The following TRAF5 variants were observed in gnomAD, a reference collection of about 807,000 sequenced individuals.
The protein encoded by TRAF5 is TNF receptor-associated factor 5.
In TRAF5, 48 loss-of-function variants were observed where a neutral mutation model predicts 64.5. The ratio of observed to expected loss-of-function variants is 0.74; its 90% CI spans 0.59 to 0.95. The LOEUF (loss-of-function observed/expected upper bound fraction) is 0.95. TRAF5 is among the 40% of genes least tolerant of loss of function. TRAF5 has a pLI of 0.00. For synonymous variants in TRAF5, 206 were observed against 240.5 expected (o/e 0.86, Z 1.33); for missense variants, 545 against 662.8 (o/e 0.82, Z 1.95).
rs61851031 is a variant in TRAF5, at chr1:211,334,698, T to C, written c.-2+7809T>C. Among the ~76,000 whole-genome samples the C allele has an allele frequency of 9.5e-3, 1,451 of 152,168 alleles. 11 individuals are homozygous for C. The highest frequency in any genetic ancestry group is 0.016 in the Non-Finnish European group (1,060 of 67,976). On this transcript the variant is annotated intron_variant, in intron 1 of 10. Coordinates refer to ENST00000261464, the MANE Select transcript of TRAF5 (RefSeq NM_001033910.3). Reference sequence around the variant, plus strand: ...AACAAAACAAAACACATTGTTTACCTAGATGGTTTAAGCACAGTGAGCCGC... The same window carrying C: ...AACAAAACAAAACACATTGTTTACCCAGATGGTTTAAGCACAGTGAGCCGC...
chr1:211,360,576 G>T, intron 5 of TRAF5, 126 bp from the exon 6 acceptor site: 1 of 657,468 alleles, frequency 1.5e-6, no homozygotes, highest in Non-Finnish European at 2.6e-6. Flanking sequence ...TCCTTTTTTG[G>T]AATTAGGCAA....
intron 1 of TRAF5, among the ~76,000 whole-genome samples, chr1:211,333,449 C>A (rs2102710838): frequency 6.6e-6 from 1 of 152,110 alleles, no homozygotes; most frequent in Admixed American, 6.5e-5. Flanking sequence ...CCCCACTCCC[C>A]ACTAGGCCTC....
chr1:211,372,018 G>T, intron 10 of TRAF5, 110 bp from the exon 11 acceptor site: 2 of 914,982 alleles, frequency 2.2e-6, no homozygotes, highest in Non-Finnish European at 3.3e-6. Flanking sequence ...TCTTTAGGAT[G>T]GCAGGATTTT....
chr1:211,350,064 T>G (rs1702735135), intron 1 of TRAF5, among the ~76,000 whole-genome samples: 1 of 152,060 alleles, frequency 6.6e-6, no homozygotes, highest in Admixed American at 6.6e-5. Flanking sequence ...ATCTTCAGAA[T>G]TAAAACTTTT....
chr1:211,334,351 AAC>A (rs1702236015), intron 1 of TRAF5, among the ~76,000 whole-genome samples: 1 of 152,174 alleles, frequency 6.6e-6, no homozygotes, highest in African/African-American at 2.4e-5. Context: ...CCAGAAGAAA[AAC>A]AGGTGTTCCA....
chr1:211,356,768 C>T, intron 4 of TRAF5: 1 of 236,630 alleles, frequency 4.2e-6, no homozygotes, highest in South Asian at 8.3e-5. Context: ...CTGGACAAAA[C>T]AAACACTCAA....
At chr1:211,330,769 A>G (rs1000344900) in intron 1 of TRAF5, among the ~76,000 whole-genome samples, 1 of 152,112 alleles carries the variant, frequency 6.6e-6, no homozygotes, top group African/African-American at 2.4e-5. Context: ...CACCGTCCCC[A>G]CCAGCATTCC....
chr1:211,359,753 G>T, intron 4 of TRAF5, 159 bp from the exon 5 acceptor site: 1 of 706,534 alleles, frequency 1.4e-6, no homozygotes, highest in East Asian at 2.7e-5. Context: ...CAGAGACAGT[G>T]GGCAGCATCC....
At chr1:211,340,240 C>T (rs1365992217) in intron 1 of TRAF5, among the ~76,000 whole-genome samples, 3 of 152,148 alleles carry the variant, frequency 2.0e-5, no homozygotes, top group African/African-American at 7.2e-5. Context: ...CGAGGGGCCC[C>T]TGGAGCCTCA....
Position 211,343,591 on chromosome 1 carries a change from G to C in TRAF5, c.-1-9648G>C, listed in dbSNP as rs558559438. 9.2e-5 allele frequency among the ~76,000 whole-genome samples: 14 copies of C among 152,160 alleles called. No individual in the cohort carries two copies. The East Asian group carries it at 2.7e-3, about 29-fold the overall frequency. On this transcript the variant is annotated intron_variant, in intron 1 of 10. Transcript: ENST00000261464. ...TTTGAGCCACCACACCTGGCTGAGG[G>C]GTTAAAATGAGCTAATGCATATAAT...
intron 1 of TRAF5, among the ~76,000 whole-genome samples, chr1:211,349,369 G>C (rs1702712755): frequency 6.6e-6 from 1 of 152,206 alleles, no homozygotes; most frequent in South Asian, 2.1e-4. Context: ...TGTCTGGTGA[G>C]GGCTCACTTT....
At chr1:211,344,247 T>C (rs1443917584) in intron 1 of TRAF5, among the ~76,000 whole-genome samples, 1 of 152,222 alleles carries the variant, frequency 6.6e-6, no homozygotes, top group Non-Finnish European at 1.5e-5. Context: ...CAGTGCTTGC[T>C]GTACCGCCAG....
chr1:211,353,478 A>C (rs1702861653), intron 2 of TRAF5, 21 bp downstream of exon 2: 1 of 1,602,518 alleles, frequency 6.2e-7, no homozygotes, highest in Non-Finnish European at 8.5e-7. Context: ...AGGGCCTGCA[A>C]CTCTGGCCAT....
chr1:211,343,733 CG>C (rs1558134855), intron 1 of TRAF5, among the ~76,000 whole-genome samples: 1 of 152,162 alleles, frequency 6.6e-6, no homozygotes, highest in Admixed American at 6.5e-5. Flanking sequence ...CTGCCTCAAT[CG>C]GAACTCTCCT....
intron 8 of TRAF5, among the ~76,000 whole-genome samples, chr1:211,368,026 G>A (rs1248837193): frequency 6.6e-6 from 1 of 152,090 alleles, no homozygotes; most frequent in African/African-American, 2.4e-5. Flanking sequence ...TGGTCTCGGC[G>A]GGTGGTGCAA....
At chr1:211,356,519 T>G (rs1182052628) in intron 4 of TRAF5, 51 bp downstream of exon 4, 2 of 1,498,644 alleles carry the variant, frequency 1.3e-6, no homozygotes, top group Non-Finnish European at 1.9e-6. Context: ...TCCAGGAATG[T>G]GTGTTGAACC....
In TRAF5 at chr1:211,353,312, T is replaced by C. The variant is rs1305701591; in HGVS notation, c.73T>C (p.Leu25=). 2.5e-6 allele frequency: 4 copies of C among 1,614,238 alleles called. No homozygotes were observed. The highest frequency in any genetic ancestry group is 3.4e-6 in the Non-Finnish European group (4 of 1,180,048). The part of the protein sequence containing the change: ...IRQNSGNSIS[L]DFEPSIEYQF... The stretch of plus-strand genomic sequence containing the variant: ...CCAGAATTCCGGCAACTCCATTTCC[T>C]TGGACTTTGAGCCCAGTATAGAGTA... Residue 25 remains leucine, a synonymous_variant, in exon 2 of 11, where the codon TTG becomes CTG. Coordinates refer to ENST00000261464, the MANE Select transcript of TRAF5 (RefSeq NM_001033910.3).
chr1:211,363,747 C>A (rs2102762300), intron 7 of TRAF5, among the ~76,000 whole-genome samples: 2 of 151,910 alleles, frequency 1.3e-5, no homozygotes, highest in African/African-American at 4.8e-5. Flanking sequence ...CCTGTCTCTA[C>A]CAAAAAATAC....
intron 1 of TRAF5, among the ~76,000 whole-genome samples, chr1:211,347,081 G>A (rs1450830629): frequency 6.6e-6 from 1 of 151,994 alleles, no homozygotes; most frequent in Non-Finnish European, 1.5e-5. Context: ...ATTTTTAGCA[G>A]TTTTGATATG....
Sources: gnomAD v4.1 joint callset for allele counts (sites outside exome capture counted in the v4.1 genomes callset) on GRCh38, gnomAD v4.1.1 for gene constraint, MANE v1.5 for transcripts, NCBI Gene and HGNC (gene_info 2026-07-23, HGNC 2026-07-21) for gene names.